The following DPP10 variants were observed in gnomAD, a reference collection of about 807,000 sequenced individuals.
The protein encoded by DPP10 is dipeptidyl peptidase like 10.
Under a neutral mutation model 120.9 loss-of-function variants are expected in DPP10, and 33 were observed. The ratio of observed to expected loss-of-function variants is 0.27; its 90% CI spans 0.21 to 0.37. DPP10 has a LOEUF of 0.37. DPP10 is among the 10% of genes least tolerant of loss of function. The probability of loss-of-function intolerance (pLI) is 1.00; values close to 1 mark genes in which losing one functional copy is unlikely to be tolerated. For missense variants in DPP10, 816 were observed against 942.8 expected (o/e 0.87, Z 1.76); for synonymous variants, 337 against 326.1 (o/e 1.03, Z -0.36).
intron 13 of DPP10, among the ~76,000 whole-genome samples, chr2:115,776,275 A>G (rs1231718971): frequency 6.6e-6 from 1 of 151,978 alleles, no homozygotes; most frequent in Non-Finnish European, 1.5e-5. Flanking sequence ...TACATTAGGT[A>G]TTTCTCCTAA....
chr2:114,853,105 T>A (rs1689095127), intron 1 of DPP10, among the ~76,000 whole-genome samples: 1 of 152,144 alleles, frequency 6.6e-6, no homozygotes, highest in South Asian at 2.1e-4. Flanking sequence ...ATAAATAAAT[T>A]TGAAAACAGG....
intron 1 of DPP10, among the ~76,000 whole-genome samples, chr2:115,287,442 C>G (rs1383134061): frequency 6.6e-6 from 1 of 152,052 alleles, no homozygotes; most frequent in Admixed American, 6.6e-5. Context: ...CCTCACCTCC[C>G]TCCTGAACTT....
intron 1 of DPP10, among the ~76,000 whole-genome samples, chr2:115,010,451 A>G (rs1262679509): frequency 6.6e-6 from 1 of 152,178 alleles, no homozygotes; most frequent in Non-Finnish European, 1.5e-5. Context: ...AGATGTGACA[A>G]TGCCCAGGTG....
At chr2:115,720,878 C>T (rs930672889) in intron 7 of DPP10, among the ~76,000 whole-genome samples, 2 of 152,092 alleles carry the variant, frequency 1.3e-5, no homozygotes, top group Non-Finnish European at 2.9e-5. Context: ...ATTTTGAAGC[C>T]AGTGTTTTGT....
intron 3 of DPP10, among the ~76,000 whole-genome samples, chr2:115,495,108 A>G (rs979212940): frequency 1.3e-5 from 2 of 152,088 alleles, no homozygotes; most frequent in Admixed American, 6.6e-5. Flanking sequence ...AAAAGACAAC[A>G]TTTTACAAGA....
chr2:115,143,261 AC>A (rs1308862185), intron 1 of DPP10, among the ~76,000 whole-genome samples: 2 of 152,302 alleles, frequency 1.3e-5, no homozygotes, highest in Non-Finnish European at 2.9e-5. Flanking sequence ...CACCATTTAT[AC>A]CTACTGGTAA....
chr2:114,613,179 T>C (rs537007420), intron 1 of DPP10, among the ~76,000 whole-genome samples: 10 of 152,334 alleles, frequency 6.6e-5, no homozygotes, highest in African/African-American at 2.4e-4. Flanking sequence ...ATTCCATTTT[T>C]AAGCATCCAA....
intron 1 of DPP10, among the ~76,000 whole-genome samples, chr2:115,050,749 C>T (rs375180099): frequency 2.6e-5 from 4 of 152,272 alleles, no homozygotes; most frequent in East Asian, 1.9e-4. Context: ...TCGGTCTCTG[C>T]GCTGGCAAGA....
chr2:114,949,153 G>A (rs578047977), intron 1 of DPP10, among the ~76,000 whole-genome samples: 9 of 152,182 alleles, frequency 5.9e-5, no homozygotes, highest in African/African-American at 2.2e-4. Flanking sequence ...TCCATCTCCT[G>A]ACCTTGTGAT....
At chr2:114,735,231 C>T (rs962460210) in intron 1 of DPP10, among the ~76,000 whole-genome samples, 2 of 152,082 alleles carry the variant, frequency 1.3e-5, no homozygotes, top group Non-Finnish European at 2.9e-5. Flanking sequence ...GCAATAGCAA[C>T]AGTGAGAAAA....
chr2:114,637,502 G>C lies in DPP10; in HGVS notation c.60+194664G>C, dbSNP rs867647779. Among the ~76,000 whole-genome samples, 31 of 151,866 alleles carry C rather than the reference G, an allele frequency of 2.0e-4. 1 individual carries two copies. Among genetic ancestry groups the C allele is most frequent in the African/African-American group, 7.0e-4 (29 of 41,164 alleles). On this transcript the variant is annotated intron_variant, in intron 1 of 25. Coordinates refer to ENST00000410059, the MANE Select transcript of DPP10 (RefSeq NM_020868.6). ...TCTTTAGTTTAATTAGGTCCTACTT[G>C]TCAGTTTTTGTTTTTGTTTCAGTTG...
chr2:115,231,208 A>G (rs1461535640), intron 1 of DPP10, among the ~76,000 whole-genome samples: 2 of 152,016 alleles, frequency 1.3e-5, no homozygotes, highest in Non-Finnish European at 2.9e-5. Flanking sequence ...AATGAATTAA[A>G]TATAATTATT....
intron 5 of DPP10, among the ~76,000 whole-genome samples, chr2:115,560,530 A>C (rs754682965): frequency 1.1e-4 from 16 of 144,566 alleles, no homozygotes; most frequent in Non-Finnish European, 2.1e-4. Context: ...GATACTGAAT[A>C]CCTAAAAAGA....
intron 1 of DPP10, among the ~76,000 whole-genome samples, chr2:114,675,423 G>A (rs944910583): frequency 2.0e-5 from 3 of 152,090 alleles, no homozygotes; most frequent in Non-Finnish European, 2.9e-5. Context: ...TTTGTATTTT[G>A]AGTTCTAACT....
At chr2:114,935,625 AT>A (rs1250443725) in intron 1 of DPP10, among the ~76,000 whole-genome samples, 1 of 152,096 alleles carries the variant, frequency 6.6e-6, no homozygotes. Flanking sequence ...AAATAGGCTA[AT>A]TCAGTCATTC....
At chr2:114,713,642 A>C (rs182362308) in intron 1 of DPP10, among the ~76,000 whole-genome samples, 6 of 152,292 alleles carry the variant, frequency 3.9e-5, no homozygotes, top group Non-Finnish European at 5.9e-5. Flanking sequence ...CACACTCAAG[A>C]AATGTTTGCT....
At chr2:115,040,015 A>G (rs1181765792) in intron 1 of DPP10, among the ~76,000 whole-genome samples, 1 of 152,206 alleles carries the variant, frequency 6.6e-6, no homozygotes, top group African/African-American at 2.4e-5. Flanking sequence ...ACCACTGGGA[A>G]GGTCTTGACC....
intron 3 of DPP10, among the ~76,000 whole-genome samples, chr2:115,345,825 A>G (rs1457720726): frequency 6.6e-6 from 1 of 152,198 alleles, no homozygotes; most frequent in Non-Finnish European, 1.5e-5. Context: ...GGTTACCAAA[A>G]TAATATATTT....
chr2:115,107,201 A>G lies in DPP10; in HGVS notation c.61-202038A>G, dbSNP rs542659411. Among the ~76,000 whole-genome samples, 170 of 152,164 alleles carry G rather than the reference A, an allele frequency of 1.1e-3. 1 individual carries two copies. In the Middle Eastern group the frequency reaches 0.02, roughly 18 times the overall value. ...AGAGACTTTTCCCCTGATAATTTTT[A>G]TATTACTTAATTTGTGTATTATAAC... On this transcript the variant is annotated intron_variant, in intron 1 of 25. Transcript: ENST00000410059.
Sources: allele counts gnomAD v4.1 joint callset (sites outside exome capture counted in the v4.1 genomes callset), GRCh38; gene constraint gnomAD v4.1.1; transcripts MANE v1.5; gene names NCBI Gene and HGNC (gene_info 2026-07-23, HGNC 2026-07-21).